MNAT1: variants seen among roughly 807,000 people sequenced by gnomAD.
MNAT1 encodes MNAT1 component of CDK activating kinase, also known as CDK-activating kinase assembly factor MAT1.
In MNAT1, 43 loss-of-function variants were observed where a neutral mutation model predicts 42.0. The observed-to-expected ratio is 1.02, with a 90% CI of 0.80 to 1.32. MNAT1 has a LOEUF of 1.32. Ranked by LOEUF, MNAT1 falls within the 40% of genes most tolerant of loss-of-function variation. The probability of loss-of-function intolerance (pLI) is 0.00; values close to 1 mark genes in which losing one functional copy is unlikely to be tolerated. For missense variants in MNAT1, 306 were observed against 350.4 expected (o/e 0.87, Z 1.01); for synonymous variants, 118 against 120.0 (o/e 0.98, Z 0.11).
chr14:60,888,522 C>A (rs975475040), intron 7 of MNAT1, among the ~76,000 whole-genome samples: 6 of 151,892 alleles, frequency 4.0e-5, no homozygotes, highest in African/African-American at 1.5e-4. Context: ...GAAGCATTCC[C>A]TTTGAAAACT....
intron 6 of MNAT1, among the ~76,000 whole-genome samples, chr14:60,872,869 CATAT>C (rs759441466): frequency 0.018 from 2,484 of 139,182 alleles, 72 homozygotes; most frequent in African/African-American, 0.065. Context: ...CACACACACA[CATAT>C]ATATATGCAC....
At chr14:60,898,938 G>A (rs1288187817) in intron 7 of MNAT1, among the ~76,000 whole-genome samples, 1 of 152,032 alleles carries the variant, frequency 6.6e-6, no homozygotes, top group African/African-American at 2.4e-5. Flanking sequence ...TTTGTATATG[G>A]TGAGAGATAG....
At chr14:60,874,626 T>G (rs2034397681) in intron 6 of MNAT1, among the ~76,000 whole-genome samples, 1 of 152,148 alleles carries the variant, frequency 6.6e-6, no homozygotes. Flanking sequence ...AGCACTTAAG[T>G]CTATACCATA....
intron 5 of MNAT1, among the ~76,000 whole-genome samples, chr14:60,813,603 A>AATAT (rs1421906576): frequency 1.3e-5 from 2 of 152,234 alleles, no homozygotes; most frequent in Non-Finnish European, 2.9e-5. Context: ...GAATGGATAT[A>AATAT]GATCTCACCT....
intron 1 of MNAT1, among the ~76,000 whole-genome samples, chr14:60,738,253 ATTT>A (rs68107318): frequency 1.6e-3 from 168 of 105,492 alleles, no homozygotes; most frequent in Middle Eastern, 5.6e-3. Flanking sequence ...AACATCTTGG[ATTT>A]TTTTTTTTTT....
chr14:60,918,316 C>A (rs2139545354), intron 7 of MNAT1, among the ~76,000 whole-genome samples: 1 of 135,322 alleles, frequency 7.4e-6, no homozygotes, highest in Admixed American at 9.0e-5. Flanking sequence ...TCACGCCATT[C>A]TCCTGCCTCA....
At chr14:60,777,024 A>G (rs969096392) in intron 1 of MNAT1, among the ~76,000 whole-genome samples, 8 of 151,766 alleles carry the variant, frequency 5.3e-5, no homozygotes, top group Non-Finnish European at 1.2e-4. Flanking sequence ...ATTTTTTTGT[A>G]TTTTTAGTAG....
chr14:60,945,344 C>A (rs2036250247), intron 7 of MNAT1, among the ~76,000 whole-genome samples: 1 of 151,606 alleles, frequency 6.6e-6, no homozygotes, highest in East Asian at 1.9e-4. Flanking sequence ...CTATCCAGAG[C>A]CCTTTGCCAG....
chr14:60,764,795 G>A (rs1171946211), intron 1 of MNAT1, among the ~76,000 whole-genome samples: 3 of 152,158 alleles, frequency 2.0e-5, no homozygotes, highest in African/African-American at 7.2e-5. Context: ...TGAAATGGTA[G>A]GTCTTTGGAG....
At chr14:60,949,744 A>G (rs2882684) in intron 7 of MNAT1, among the ~76,000 whole-genome samples, 91,683 of 152,010 alleles carry the variant, frequency 0.6, 29,263 homozygotes, top group Non-Finnish European at 0.71. Context: ...TTTTGGTACC[A>G]TTGATTGCAT....
At chr14:60,926,628 G>A (rs543736281) in intron 7 of MNAT1, among the ~76,000 whole-genome samples, 1 of 152,168 alleles carries the variant, frequency 6.6e-6, no homozygotes, top group Non-Finnish European at 1.5e-5. Context: ...GGAGCACAGA[G>A]CTTCCATGCC....
chr14:60,796,253 A>C lies in MNAT1; in HGVS notation c.126A>C (p.Gly42=). Residue 42 remains glycine, a synonymous_variant, in exon 2 of 8, where the codon GGA becomes GGC. Transcript: ENST00000261245. Reference sequence around the variant, plus strand: ...GTGTAGATTTACTGTTTGTGAGAGGAGCTGGAAACTGCCCTGAGTGTGGTA... The same window carrying C: ...GTGTAGATTTACTGTTTGTGAGAGGCGCTGGAAACTGCCCTGAGTGTGGTA... ...ESCVDLLFVR[G]AGNCPECGTP... The C allele has an allele frequency of 6.2e-7, 1 of 1,611,970 alleles. No individual in the cohort carries two copies. The highest frequency in any genetic ancestry group is 1.1e-5 in the South Asian group (1 of 90,646).
intron 7 of MNAT1, among the ~76,000 whole-genome samples, chr14:60,912,419 A>G (rs2035391930): frequency 6.6e-6 from 1 of 152,128 alleles, no homozygotes; most frequent in South Asian, 2.1e-4. Flanking sequence ...CCTAGCCTTG[A>G]TAGTCTTTAC....
At chr14:60,869,222 A>G (rs1461970522) in intron 6 of MNAT1, among the ~76,000 whole-genome samples, 36 of 149,272 alleles carry the variant, frequency 2.4e-4, no homozygotes, top group African/African-American at 8.1e-4. Context: ...TGGTATTTTA[A>G]TAGAGACGGG....
chr14:60,879,973 C>A, intron 7 of MNAT1, 138 bp downstream of exon 7: 1 of 869,242 alleles, frequency 1.2e-6, no homozygotes, highest in Non-Finnish European at 1.6e-6. Context: ...TACTCAATAC[C>A]AAATTGTTTT....
intron 6 of MNAT1, among the ~76,000 whole-genome samples, chr14:60,822,382 T>C (rs1388464200): frequency 6.6e-6 from 1 of 152,188 alleles, no homozygotes; most frequent in Non-Finnish European, 1.5e-5. Context: ...AATATATCCA[T>C]TGTGGCAAAG....
chr14:60,790,927 A>G (rs546602364), intron 1 of MNAT1, among the ~76,000 whole-genome samples: 33 of 152,290 alleles, frequency 2.2e-4, no homozygotes, highest in African/African-American at 6.0e-4. Flanking sequence ...GTGTTATTCC[A>G]TAAAGGATTT....
rs567357609 is a variant in MNAT1 at position 60,898,916 on chromosome 14, C to T, written c.809+19081C>T. Among the ~76,000 whole-genome samples, 109 of 152,004 alleles carry T rather than the reference C, an allele frequency of 7.2e-4. No homozygotes were observed. In the South Asian group the frequency reaches 0.014, roughly 20 times the overall value. On this transcript the variant is annotated intron_variant, in intron 7 of 7. Transcript: ENST00000261245. ...TCATACATTTAAGTCTTTAATTCAC[C>T]TTGAGTTGATTTTTGTATATGGTGA... is the stretch of plus-strand genomic sequence containing the variant.
intron 1 of MNAT1, among the ~76,000 whole-genome samples, chr14:60,739,122 TTATGACGTGG>T: frequency 6.6e-6 from 1 of 152,080 alleles, no homozygotes; most frequent in East Asian, 1.9e-4. Context: ...ATAGGGCTAC[TTATGACGTGG>T]CTTCTCCCAG....
Sources: allele counts gnomAD v4.1 joint callset (sites outside exome capture counted in the v4.1 genomes callset), GRCh38; gene constraint gnomAD v4.1.1; transcripts MANE v1.5; gene names NCBI Gene and HGNC (gene_info 2026-07-23, HGNC 2026-07-21).